TCAF1: variants seen among roughly 807,000 people sequenced by gnomAD.
The protein encoded by TCAF1 is TRPM8 channel associated factor 1.
A neutral mutation model predicts 27.3 loss-of-function variants in TCAF1; 4 were observed. That is an observed-to-expected ratio of 0.15 (90% CI 0.07 to 0.34). TCAF1 has a LOEUF of 0.34. Among genes scored for constraint, TCAF1 ranks in the 10% least tolerant of loss-of-function variants. The pLI is 1.00. For synonymous variants in TCAF1, 105 were observed against 167.1 expected (o/e 0.63, Z 2.87); for missense variants, 257 against 425.8 (o/e 0.60, Z 3.49).
At chr7:143,876,669 CAAAG>C in intron 1 of TCAF1, 47 bp from the exon 2 acceptor site, 1 of 1,419,134 alleles carries the variant, frequency 7.0e-7, no homozygotes, top group East Asian at 2.4e-5. Flanking sequence ...AATGGATAAA[CAAAG>C]AAACAAATAG....
At chr7:143,870,350 T>G (rs1450846444) in intron 2 of TCAF1, among the ~76,000 whole-genome samples, 1 of 152,098 alleles carries the variant, frequency 6.6e-6, no homozygotes, top group Non-Finnish European at 1.5e-5. Context: ...ATAAAAGTAT[T>G]TAAAGGCATA....
rs371808220 is a variant in TCAF1 at position 143,877,940 on chromosome 7, A to C, written c.-14-1318T>G. On this transcript the variant is annotated intron_variant, in intron 1 of 8. Transcript: ENST00000479870. ...ACTTGTCTATCTCCCTTGTCAGATA[A>C]TATGCTCACTCCCAACATAATACGC... Among the ~76,000 whole-genome samples the C allele has an allele frequency of 2.0e-5, 3 of 152,348 alleles. No homozygotes were observed. The East Asian group carries it at 5.8e-4, about 29-fold the overall frequency.
At chr7:143,877,958 T>C (rs1003997753) in intron 1 of TCAF1, among the ~76,000 whole-genome samples, 11 of 152,190 alleles carry the variant, frequency 7.2e-5, no homozygotes, top group African/African-American at 2.7e-4. Flanking sequence ...ACTCCCAACA[T>C]AATACGCAAC....
rs768803367 is a variant in TCAF1 at position 143,876,604 on chromosome 7, G to T, written c.5C>A (p.Ala2Glu). 1 of 1,504,920 alleles carries T rather than the reference G, an allele frequency of 6.6e-7. No homozygotes were observed. The highest frequency in any genetic ancestry group is 2.3e-5 in the Admixed American group (1 of 43,784). The allele number at this position is 1,504,920 out of a possible 1,614,324, so 93.2% of individuals were successfully genotyped here. A position where few individuals can be genotyped will look rare whatever the true frequency, so the allele number is the denominator to read the frequency against. Residue 2 changes from alanine (A) to glutamate (E), a missense_variant, in exon 2 of 9, where the codon GCG (alanine) becomes GAG (glutamate). Coordinates refer to ENST00000479870, the MANE Select transcript of TCAF1 (RefSeq NM_014719.3). M[A>E]TPSAAFEALM... ...GGCCTCGAAGGCAGCAGAGGGAGTC[G>T]CCATGGCTCTATTGGTTTCTGCAGA...
chr7:143,878,746 GCACAGTGT>G (rs1260092593), intron 1 of TCAF1, among the ~76,000 whole-genome samples: 3 of 152,146 alleles, frequency 2.0e-5, no homozygotes, highest in Non-Finnish European at 4.4e-5. Flanking sequence ...ATAGCAAAGT[GCACAGTGT>G]CACAGTATGT....
intron 1 of TCAF1, among the ~76,000 whole-genome samples, chr7:143,887,140 C>T (rs1355792814): frequency 6.6e-6 from 1 of 152,000 alleles, no homozygotes; most frequent in Non-Finnish European, 1.5e-5. Flanking sequence ...TAATGTTCTG[C>T]CTGGAGTAGC....
chr7:143,879,418 TG>T (rs1812897281), intron 1 of TCAF1, among the ~76,000 whole-genome samples: 1 of 152,196 alleles, frequency 6.6e-6, no homozygotes, highest in Admixed American at 6.5e-5. Context: ...GTTTAATATT[TG>T]AAAGGCTAAT....
intron 1 of TCAF1, among the ~76,000 whole-genome samples, chr7:143,895,411 C>T (rs1268969919): frequency 6.6e-6 from 1 of 151,754 alleles, no homozygotes; most frequent in African/African-American, 2.4e-5. Flanking sequence ...AAAAGGATAC[C>T]TGTTTATGAC....
intron 1 of TCAF1, among the ~76,000 whole-genome samples, chr7:143,898,239 C>G (rs113365494): frequency 1.1e-4 from 16 of 152,130 alleles, no homozygotes; most frequent in African/African-American, 3.4e-4. Flanking sequence ...TAGCAAATGT[C>G]ATTTTTAAGT....
Position 143,876,008 on chromosome 7 carries a change from T to C in TCAF1, c.601A>G (p.Lys201Glu). The change falls in exon 2 of 9, where the codon AAG (lysine) becomes GAG (glutamate). Residue 201 changes from lysine (K) to glutamate (E), a missense_variant. By Grantham distance (56) the Lys-to-Glu change is moderately conservative (BLOSUM62 1). Transcript: ENST00000479870. ...ACTCACCTAACCAACACTGGGATCT[T>C]GGGCATCTTCTTGGAGACTTTAAAG... ...SFFKVSKKMP[K>E]IPVLVSCEDD... 1 of 1,559,016 alleles carries C rather than the reference T, an allele frequency of 6.4e-7. No individual in the cohort carries two copies. Among genetic ancestry groups the C allele is most frequent in the South Asian group, 1.2e-5 (1 of 80,918 alleles).
At chr7:143,877,006 T>C (rs919835713) in intron 1 of TCAF1, among the ~76,000 whole-genome samples, 2 of 152,202 alleles carry the variant, frequency 1.3e-5, no homozygotes, top group African/African-American at 4.8e-5. Flanking sequence ...AAATGGGTCA[T>C]AGTCCAATGA....
chr7:143,891,541 T>C (rs1235435412), intron 1 of TCAF1, among the ~76,000 whole-genome samples: 1 of 152,024 alleles, frequency 6.6e-6, no homozygotes, highest in Non-Finnish European at 1.5e-5. Context: ...ATTGGTGAAG[T>C]ATAGCAAAGG....
chr7:143,868,484 G>T, intron 2 of TCAF1, among the ~76,000 whole-genome samples: 1 of 122,798 alleles, frequency 8.1e-6, no homozygotes, highest in Non-Finnish European at 1.7e-5. Flanking sequence ...CATGCTTTTT[G>T]CAAATACTTC....
Position 143,901,252 on chromosome 7 carries a change from T to C in TCAF1, c.-15+709A>G, listed in dbSNP as rs146758802. ...TTGGAGGATGAAAGTGATGGACCGATGGTTGGCTGGTCAGCTAGACAGACA... is the reference window on the plus strand; with the variant it reads ...TTGGAGGATGAAAGTGATGGACCGACGGTTGGCTGGTCAGCTAGACAGACA... On this transcript the variant is annotated intron_variant, in intron 1 of 8. Coordinates refer to ENST00000479870, the MANE Select transcript of TCAF1 (RefSeq NM_014719.3). Among the ~76,000 whole-genome samples the C allele has an allele frequency of 2.9e-3, 444 of 152,328 alleles. 1 individual carries two copies. Among genetic ancestry groups the C allele is most frequent in the African/African-American group, 0.01 (432 of 41,568 alleles).
In TCAF1 at chr7:143,860,019, ATTATATATT is replaced by A. The variant is rs1203167773; in HGVS notation, c.2167+180_2167+188del. Among the ~76,000 whole-genome samples, 188 of 47,444 alleles carry A rather than the reference ATTATATATT, an allele frequency of 4.0e-3. 36 individuals are homozygous for A. The highest frequency in any genetic ancestry group is 7.9e-3 in the Middle Eastern group (1 of 126). The allele number at this position is 47,444 out of a possible 152,430, so 31.1% of individuals were successfully genotyped here. A position where few individuals can be genotyped will look rare whatever the true frequency, so the allele number is the denominator to read the frequency against. On this transcript the variant is annotated intron_variant, in intron 6 of 8. Coordinates refer to ENST00000479870, the MANE Select transcript of TCAF1 (RefSeq NM_014719.3). ...ATTATATAATATATATATAATATATATTATATATTATATATATAATATATAATATATATT... is the reference window on the plus strand; with the variant it reads ...ATTATATAATATATATATAATATATAATATATATAATATATAATATATATT...
rs1563212233 is a variant in TCAF1 at position 143,860,021 on chromosome 7, T to TATATAATATATATAATATATA, written c.2167+186_2167+187insTATATATTATATATATTATAT. 2.5e-3 allele frequency among the ~76,000 whole-genome samples: 81 copies of TATATAATATATATAATATATA among 32,718 alleles called. 15 individuals are homozygous for TATATAATATATATAATATATA. The highest frequency in any genetic ancestry group is 0.011 in the Middle Eastern group (1 of 90). 21.5% of individuals were successfully genotyped at this position (32,718 alleles called of 152,430 possible). A position where few individuals can be genotyped will look rare whatever the true frequency, so the allele number is the denominator to read the frequency against. ...TATATAATATATATATAATATATAT[T>TATATAATATATATAATATATA]ATATATTATATATATAATATATAAT... is the stretch of plus-strand genomic sequence containing the variant. On this transcript the variant is annotated intron_variant, in intron 6 of 8. Coordinates refer to ENST00000479870, the MANE Select transcript of TCAF1 (RefSeq NM_014719.3).
At chr7:143,885,899 C>G (rs1347757029) in intron 1 of TCAF1, among the ~76,000 whole-genome samples, 2 of 152,108 alleles carry the variant, frequency 1.3e-5, no homozygotes, top group East Asian at 3.8e-4. Context: ...AATAGTCACA[C>G]GCATTATTTT....
intron 7 of TCAF1, among the ~76,000 whole-genome samples, 156 bp from the exon 8 acceptor site, chr7:143,857,506 T>A (rs1010135095): frequency 6.6e-6 from 1 of 152,310 alleles, no homozygotes; most frequent in African/African-American, 2.4e-5. Flanking sequence ...CCTGGCCTCA[T>A]GCCCTGCTCT....
intron 1 of TCAF1, among the ~76,000 whole-genome samples, chr7:143,879,296 A>C (rs1329316263): frequency 6.6e-6 from 1 of 152,164 alleles, no homozygotes; most frequent in Non-Finnish European, 1.5e-5. Context: ...AAAATATATC[A>C]TGTGTTGCTC....
Sources: gnomAD v4.1 joint callset for allele counts (sites outside exome capture counted in the v4.1 genomes callset) on GRCh38, gnomAD v4.1.1 for gene constraint, MANE v1.5 for transcripts, NCBI Gene and HGNC (gene_info 2026-07-23, HGNC 2026-07-21) for gene names.